OSBPL9: variants seen among roughly 807,000 people sequenced by gnomAD.
OSBPL9 encodes oxysterol binding protein like 9.
Under a neutral mutation model 106.6 loss-of-function variants are expected in OSBPL9, and 40 were observed. The observed-to-expected ratio is 0.38, with a 90% CI of 0.29 to 0.49. The LOEUF (loss-of-function observed/expected upper bound fraction) is 0.49. Among genes scored for constraint, OSBPL9 ranks in the 20% least tolerant of loss-of-function variants. The probability of loss-of-function intolerance (pLI) is 0.97; values close to 1 mark genes in which losing one functional copy is unlikely to be tolerated. For synonymous variants in OSBPL9, 269 were observed against 295.4 expected, an observed-to-expected ratio of 0.91 and a Z score of 0.92; for missense variants, 609 against 887.2, an observed-to-expected ratio of 0.69 and a Z score of 3.98.
chr1:51,780,563 C>CT (rs1676134561), intron 15 of OSBPL9, among the ~76,000 whole-genome samples: 1 of 152,190 alleles, frequency 6.6e-6, no homozygotes, highest in Non-Finnish European at 1.5e-5. Context: ...ATGGCATTCA[C>CT]AGCAATCTAG....
the OSBPL9 span, among the ~76,000 whole-genome samples, chr1:51,530,357 G>A: frequency 3.3e-5 from 5 of 151,832 alleles, no homozygotes; most frequent in Admixed American, 1.3e-4. Flanking sequence ...TCCAGAAAGT[G>A]AAAAGACAAT....
intron 1 of OSBPL9, among the ~76,000 whole-genome samples, chr1:51,619,519 C>T (rs1644296001): frequency 6.6e-6 from 1 of 152,104 alleles, no homozygotes; most frequent in Non-Finnish European, 1.5e-5. Flanking sequence ...ATTATCCTTG[C>T]CAGAGGAAGG....
intron 12 of OSBPL9, among the ~76,000 whole-genome samples, chr1:51,770,223 C>A (rs916595541): frequency 6.6e-6 from 1 of 151,376 alleles, no homozygotes; most frequent in Non-Finnish European, 1.5e-5. Context: ...CTTATTGCAA[C>A]CTCCACCTCC....
At chr1:51,764,791 C>T (rs1216602839) in intron 11 of OSBPL9, among the ~76,000 whole-genome samples, 1 of 152,104 alleles carries the variant, frequency 6.6e-6, no homozygotes, top group East Asian at 1.9e-4. Flanking sequence ...CACTTTGTTG[C>T]ACAGGCTGGT....
chr1:51,532,169 G>C, the OSBPL9 span, among the ~76,000 whole-genome samples: 4,875 of 152,194 alleles, frequency 0.032, 123 homozygotes, highest in Non-Finnish European at 0.051. Context: ...GAGAGGACTT[G>C]GAGTCAAGAA....
the OSBPL9 span, among the ~76,000 whole-genome samples, chr1:51,519,816 C>A: frequency 6.6e-6 from 1 of 152,200 alleles, no homozygotes; most frequent in African/African-American, 2.4e-5. Context: ...CCAAGTCTAA[C>A]TGTAAATATT....
chr1:51,730,111 C>A (rs1185896976), intron 4 of OSBPL9: 2 of 1,250,896 alleles, frequency 1.6e-6, no homozygotes, highest in East Asian at 6.3e-5. Context: ...GCCTCCTTCC[C>A]GCCGCCCCCT....
chr1:51,769,377 T>C (rs1218439542), intron 12 of OSBPL9, among the ~76,000 whole-genome samples: 1 of 152,194 alleles, frequency 6.6e-6, no homozygotes, highest in East Asian at 1.9e-4. Context: ...TAAAAGTACA[T>C]GTTGGAAAGA....
intron 1 of OSBPL9, among the ~76,000 whole-genome samples, chr1:51,629,019 C>G (rs1401128302): frequency 1.3e-5 from 2 of 152,088 alleles, no homozygotes; most frequent in African/African-American, 2.4e-5. Context: ...TTCTTCTGTT[C>G]CTTTGAAGTT....
intron 14 of OSBPL9, among the ~76,000 whole-genome samples, chr1:51,775,524 G>A (rs1557856073): frequency 6.6e-6 from 1 of 152,038 alleles, no homozygotes; most frequent in African/African-American, 2.4e-5. Context: ...CTTGTATGAT[G>A]TTTGTCACAT....
At chr1:51,750,642 T>G (rs956942276) in intron 8 of OSBPL9, among the ~76,000 whole-genome samples, 2 of 152,224 alleles carry the variant, frequency 1.3e-5, no homozygotes, top group African/African-American at 4.8e-5. Flanking sequence ...TTCTTCCTTA[T>G]TCATGAAACA....
the OSBPL9 span, among the ~76,000 whole-genome samples, chr1:51,554,733 C>G: frequency 6.6e-6 from 1 of 152,206 alleles, no homozygotes; most frequent in East Asian, 1.9e-4. Context: ...CAGACATTCC[C>G]CAGGTCTTAT....
intron 11 of OSBPL9, among the ~76,000 whole-genome samples, chr1:51,763,437 CA>C (rs1199245183): frequency 6.6e-6 from 1 of 152,104 alleles, no homozygotes; most frequent in Non-Finnish European, 1.5e-5. Context: ...CTTGTAGAAC[CA>C]AACTCAAGGA....
chr1:51,617,256 G>C, intron 1 of OSBPL9, 35 bp downstream of exon 1: 2 of 1,565,398 alleles, frequency 1.3e-6, no homozygotes, highest in Non-Finnish European at 1.7e-6. Flanking sequence ...CAGGCGCCTC[G>C]GGGCCGCGTT....
At chr1:51,682,856 AGTG>A (rs1413753758) in intron 3 of OSBPL9, among the ~76,000 whole-genome samples, 1 of 143,530 alleles carries the variant, frequency 7.0e-6, no homozygotes, top group Non-Finnish European at 1.5e-5. Flanking sequence ...GGCTAGGAGC[AGTG>A]TGTTGAGACC....
At chr1:51,595,126 A>T (rs1023340700) in intron 1 of OSBPL9, among the ~76,000 whole-genome samples, 11 of 152,096 alleles carry the variant, frequency 7.2e-5, no homozygotes, top group African/African-American at 2.2e-4. Context: ...TAGTGAGAAT[A>T]ATGAGGACAA....
chr1:51,721,465 T>C (rs1317239034), intron 4 of OSBPL9, among the ~76,000 whole-genome samples: 1 of 152,200 alleles, frequency 6.6e-6, no homozygotes. Flanking sequence ...TCTGCCCAAC[T>C]TTCGTTATAG....
chr1:51,525,406 A>G, the OSBPL9 span, among the ~76,000 whole-genome samples: 1 of 152,232 alleles, frequency 6.6e-6, no homozygotes, highest in East Asian at 1.9e-4. Flanking sequence ...CCCCACAAAC[A>G]CAAAATAACA....
the OSBPL9 span, among the ~76,000 whole-genome samples, chr1:51,525,606 G>A: frequency 1.6e-4 from 24 of 151,988 alleles, no homozygotes; most frequent in Non-Finnish European, 5.9e-5. Context: ...CTGTCGGCTC[G>A]ATCTCCAATA....
Sources: allele counts gnomAD v4.1 joint callset (sites outside exome capture counted in the v4.1 genomes callset), GRCh38; gene constraint gnomAD v4.1.1; transcripts MANE v1.5; gene names NCBI Gene and HGNC (gene_info 2026-07-23, HGNC 2026-07-21).